Variants in PTPRA observed in about 807,000 individuals in gnomAD.
PTPRA encodes receptor-type tyrosine-protein phosphatase alpha.
PTPRA carries 25 observed loss-of-function variants against 104.8 expected under a neutral mutation model. The ratio of observed to expected loss-of-function variants is 0.24; its 90% CI spans 0.17 to 0.33. The LOEUF (loss-of-function observed/expected upper bound fraction) is 0.33, where lower values mean the gene tolerates loss of function less well. PTPRA is among the 10% of genes least tolerant of loss of function. PTPRA has a pLI of 1.00. For missense variants in PTPRA, 765 were observed against 1,015.3 expected (o/e 0.75, Z 3.35); for synonymous variants, 323 against 368.9 (o/e 0.88, Z 1.43).
intron 2 of PTPRA, among the ~76,000 whole-genome samples, chr20:2,937,420 G>A (rs892632757): frequency 6.6e-6 from 1 of 152,024 alleles, no homozygotes; most frequent in East Asian, 1.9e-4. Flanking sequence ...ATTGTGCCTG[G>A]CACACCTTCC....
At chr20:3,007,319 G>C (rs778846796) in intron 10 of PTPRA, 25 bp from the exon 11 acceptor site, 93 of 1,605,106 alleles carry the variant, frequency 5.8e-5, no homozygotes, top group Non-Finnish European at 7.7e-5. Context: ...TGATTTTACT[G>C]AAATATTGTT....
chr20:3,006,324 C>T (rs1016225698), intron 10 of PTPRA, among the ~76,000 whole-genome samples: 1 of 152,132 alleles, frequency 6.6e-6, no homozygotes, highest in African/African-American at 2.4e-5. Context: ...GTAACTAGAA[C>T]TACAGGTGCA....
intron 8 of PTPRA, 72 bp from the exon 9 acceptor site, chr20:2,988,266 C>A: frequency 6.4e-7 from 1 of 1,556,320 alleles, no homozygotes; most frequent in Non-Finnish European, 8.6e-7. Flanking sequence ...TGAGGTAGAA[C>A]CCCGTTTAGC....
intron 2 of PTPRA, among the ~76,000 whole-genome samples, chr20:2,942,692 T>G (rs891015562): frequency 2.6e-5 from 4 of 151,444 alleles, no homozygotes; most frequent in Admixed American, 2.6e-4. Flanking sequence ...GCCTCTTCTA[T>G]TATGAGTCAA....
intron 3 of PTPRA, among the ~76,000 whole-genome samples, chr20:2,958,316 G>A (rs773965630): frequency 1.5e-4 from 23 of 152,090 alleles, no homozygotes; most frequent in Non-Finnish European, 2.6e-4. Context: ...AGCCATTGTC[G>A]TGAGTGGCCC....
At chr20:2,882,171 GAACA>G (rs2090092300) in intron 1 of PTPRA, among the ~76,000 whole-genome samples, 1 of 152,122 alleles carries the variant, frequency 6.6e-6, no homozygotes, top group Non-Finnish European at 1.5e-5. Flanking sequence ...CTGAATATGT[GAACA>G]AACAATATTA....
At chr20:2,956,775 A>G (rs1292440261) in intron 3 of PTPRA, among the ~76,000 whole-genome samples, 2 of 152,214 alleles carry the variant, frequency 1.3e-5, no homozygotes, top group African/African-American at 4.8e-5. Context: ...TTCTCTTGAA[A>G]ACAATGCTAC....
At chr20:2,912,233 T>A (rs1379682928) in intron 1 of PTPRA, among the ~76,000 whole-genome samples, 2 of 151,800 alleles carry the variant, frequency 1.3e-5, no homozygotes, top group Non-Finnish European at 2.9e-5. Context: ...GGTGACAGAG[T>A]AAGACCCTAT....
At chr20:2,973,635 C>A (rs979179533) in intron 5 of PTPRA, among the ~76,000 whole-genome samples, 1 of 152,142 alleles carries the variant, frequency 6.6e-6, no homozygotes, top group African/African-American at 2.4e-5. Context: ...GGTTCTAGTT[C>A]CAACCACTGC....
chr20:3,010,693 T>C (rs2064129916), intron 11 of PTPRA, among the ~76,000 whole-genome samples: 1 of 152,092 alleles, frequency 6.6e-6, no homozygotes, highest in African/African-American at 2.4e-5. Flanking sequence ...GAGGAACATA[T>C]CTGCCTATGC....
chr20:2,909,970 A>G (rs2059588421), intron 1 of PTPRA, among the ~76,000 whole-genome samples: 20 of 119,196 alleles, frequency 1.7e-4, no homozygotes, highest in Admixed American at 1.6e-3. Context: ...TATGATATAT[A>G]TATAATCTAT....
At chr20:2,943,210 C>CCCA (rs201322166) in intron 2 of PTPRA, among the ~76,000 whole-genome samples, 2 of 100,454 alleles carry the variant, frequency 2.0e-5, no homozygotes, top group African/African-American at 7.7e-5. Flanking sequence ...AACATATCCC[C>CCCA]CCACCCCCCC....
chr20:2,966,875 A>C (rs2061965994), intron 5 of PTPRA, among the ~76,000 whole-genome samples: 1 of 152,282 alleles, frequency 6.6e-6, no homozygotes, highest in African/African-American at 2.4e-5. Flanking sequence ...CAATTTTTTG[A>C]AATTTTAGTA....
chr20:2,917,238 A>G (rs1057502420), intron 1 of PTPRA, among the ~76,000 whole-genome samples: 7 of 152,008 alleles, frequency 4.6e-5, no homozygotes, highest in Non-Finnish European at 7.4e-5. Flanking sequence ...GATTACAGAC[A>G]TGAAAGCTTT....
chr20:3,027,647 C>A (rs1347775431), intron 19 of PTPRA, 60 bp from the exon 20 acceptor site: 1 of 1,578,258 alleles, frequency 6.3e-7, no homozygotes, highest in African/African-American at 1.3e-5. Context: ...GGTCTGTCTT[C>A]TCCACTAGTC....
At chr20:2,888,668 AAGTATATAT>A (rs1387744303) in intron 1 of PTPRA, among the ~76,000 whole-genome samples, 1 of 152,122 alleles carries the variant, frequency 6.6e-6, no homozygotes, top group Non-Finnish European at 1.5e-5. Flanking sequence ...ATAGTTCTAA[AAGTATATAT>A]AGTATATATA....
At chr20:2,895,146 G>A (rs951062100) in intron 1 of PTPRA, among the ~76,000 whole-genome samples, 1 of 151,850 alleles carries the variant, frequency 6.6e-6, no homozygotes, top group African/African-American at 2.4e-5. Context: ...TATAATCTTG[G>A]CTCACTGCAA....
At chr20:3,021,515 A>C in intron 14 of PTPRA, 87 bp downstream of exon 14, 1 of 1,547,368 alleles carries the variant, frequency 6.5e-7, no homozygotes, top group South Asian at 1.2e-5. Context: ...CGCTGTGGTC[A>C]GGAGTTGCTG....
At chr20:2,868,787 G>A (rs1310972784), upstream of PTPRA, among the ~76,000 whole-genome samples, 1 of 151,946 alleles carries the variant, frequency 6.6e-6, no homozygotes, top group Non-Finnish European at 1.5e-5. Context: ...TGGAAAGGGA[G>A]GCTTGACCAG....
Sources: gnomAD v4.1 joint callset for allele counts (sites outside exome capture counted in the v4.1 genomes callset) on GRCh38, gnomAD v4.1.1 for gene constraint, MANE v1.5 for transcripts, NCBI Gene and HGNC (gene_info 2026-07-23, HGNC 2026-07-21) for gene names.